CADM2: variants seen among roughly 807,000 people sequenced by gnomAD.
The protein encoded by CADM2 is immunoglobulin superfamily member 4D.
In CADM2, 12 loss-of-function variants were observed where a neutral mutation model predicts 49.8. The observed-to-expected ratio is 0.24, with a 90% CI of 0.15 to 0.39. The LOEUF is 0.39. Ranked by LOEUF, CADM2 falls within the 10% of genes least tolerant of loss-of-function variation. The pLI, the probability that CADM2 is intolerant of heterozygous loss-of-function variation, is 1.00. For synonymous variants in CADM2, 214 were observed against 175.4 expected, an observed-to-expected ratio of 1.22 and a Z score of -1.74; for missense variants, 378 against 492.3, an observed-to-expected ratio of 0.77 and a Z score of 2.20.
rs191828313 is a variant in CADM2, at chr3:84,976,762, C to T, written c.61+17094C>T. Among the ~76,000 whole-genome samples, 8 of 151,884 alleles carry T rather than the reference C, an allele frequency of 5.3e-5. No homozygotes were observed. In the East Asian group the frequency reaches 1.5e-3, roughly 29 times the overall value. On this transcript the variant is annotated intron_variant, in intron 1 of 9. Transcript: ENST00000383699. ...ATAATTATCTTTGATGAAAATTAAT[C>T]CTAGGCAATGTAGCATAGCCACTGA...
At chr3:85,658,574 G>GTATATA (rs1553656698) in intron 1 of CADM2, among the ~76,000 whole-genome samples, 12 of 55,496 alleles carry the variant, frequency 2.2e-4, no homozygotes, top group Admixed American at 9.4e-4. Flanking sequence ...TTGGATATAT[G>GTATATA]TGTATATATA....
intron 2 of CADM2, among the ~76,000 whole-genome samples, chr3:85,786,135 A>C (rs1463003765): frequency 1.3e-5 from 2 of 152,098 alleles, no homozygotes; most frequent in Non-Finnish European, 2.9e-5. Flanking sequence ...CAGAATCTGC[A>C]TTCATAAATT....
At chr3:85,194,929 A>G (rs926754312) in intron 1 of CADM2, among the ~76,000 whole-genome samples, 1 of 152,040 alleles carries the variant, frequency 6.6e-6, no homozygotes, top group Non-Finnish European at 1.5e-5. Flanking sequence ...AAAAAAAATG[A>G]ACTCCTGGGC....
chr3:85,624,608 G>T (rs1048813462), intron 1 of CADM2, among the ~76,000 whole-genome samples: 4 of 152,082 alleles, frequency 2.6e-5, no homozygotes, highest in African/African-American at 9.7e-5. Context: ...TGGAATCACA[G>T]AAACTCATTT....
intron 1 of CADM2, among the ~76,000 whole-genome samples, chr3:85,437,936 A>G (rs1203835058): frequency 6.6e-6 from 1 of 152,042 alleles, no homozygotes; most frequent in Non-Finnish European, 1.5e-5. Context: ...AGAAAAGTTT[A>G]CTGAAGAAAA....
At chr3:86,037,099 T>A (rs1735260953) in intron 8 of CADM2, among the ~76,000 whole-genome samples, 1 of 152,218 alleles carries the variant, frequency 6.6e-6, no homozygotes, top group Admixed American at 6.5e-5. Flanking sequence ...TTCAATACAC[T>A]GATTTTAAGT....
At chr3:85,833,230 G>A (rs1244470164) in intron 3 of CADM2, among the ~76,000 whole-genome samples, 1 of 151,808 alleles carries the variant, frequency 6.6e-6, no homozygotes, top group South Asian at 2.1e-4. Flanking sequence ...GTATTTTGGT[G>A]AGGATTTTTT....
intron 1 of CADM2, among the ~76,000 whole-genome samples, chr3:84,984,422 C>T (rs372388893): frequency 2.0e-5 from 3 of 147,736 alleles, no homozygotes; most frequent in African/African-American, 7.5e-5. Context: ...ATCTCCCTTA[C>T]CTCCCATGTT....
intron 8 of CADM2, among the ~76,000 whole-genome samples, chr3:86,064,343 T>C (rs1358138905): frequency 6.6e-6 from 1 of 152,138 alleles, no homozygotes; most frequent in African/African-American, 2.4e-5. Context: ...CTGAGAATGA[T>C]GGTTTCCAGC....
At position 85,855,380 on chromosome 3, in the gene CADM2, C is replaced by T. The variant is rs141119842; in HGVS notation, c.239-27911C>T. On this transcript the variant is annotated intron_variant, in intron 3 of 9. Coordinates refer to ENST00000383699, the MANE Select transcript of CADM2 (RefSeq NM_001167675.2). ...TATGCATGTCATTACACACTCATGA[C>T]GCTGCTCTTCCCTTGTTAATTAAAC... is the stretch of plus-strand genomic sequence containing the variant. Among the ~76,000 whole-genome samples the T allele has an allele frequency of 4.3e-3, 657 of 151,992 alleles. 5 individuals are homozygous for T. Among genetic ancestry groups the T allele is most frequent in the African/African-American group, 0.015 (605 of 41,482 alleles).
At position 86,036,005 on chromosome 3, in the gene CADM2, A is replaced by T. The variant is rs116273077; in HGVS notation, c.971-29600A>T. ...TGTCTCTTCTGTTTCTAAAAGCATA[A>T]ATTCCATCATGGATGATCGACCTTC... On this transcript the variant is annotated intron_variant, in intron 8 of 9. Coordinates refer to ENST00000383699, the MANE Select transcript of CADM2 (RefSeq NM_001167675.2). Among the ~76,000 whole-genome samples, 578 of 152,096 alleles carry T rather than the reference A, an allele frequency of 3.8e-3. 2 individuals are homozygous for T. Among genetic ancestry groups the T allele is most frequent in the African/African-American group, 0.013 (555 of 41,502 alleles).
intron 5 of CADM2, among the ~76,000 whole-genome samples, chr3:85,893,917 A>C (rs1714836179): frequency 6.6e-6 from 1 of 152,218 alleles, no homozygotes; most frequent in Middle Eastern, 3.2e-3. Flanking sequence ...AACGAATTCA[A>C]CCGTTGTGGA....
intron 1 of CADM2, among the ~76,000 whole-genome samples, chr3:85,092,479 G>A (rs1373408579): frequency 6.6e-6 from 1 of 152,128 alleles, no homozygotes; most frequent in African/African-American, 2.4e-5. Flanking sequence ...CTCATCCTCA[G>A]CATTTAGCAC....
intron 3 of CADM2, among the ~76,000 whole-genome samples, chr3:85,824,098 A>C (rs1326500459): frequency 6.6e-6 from 1 of 152,176 alleles, no homozygotes; most frequent in East Asian, 1.9e-4. Context: ...CCCAATCAAA[A>C]CGTACTGGAG....
intron 1 of CADM2, among the ~76,000 whole-genome samples, chr3:85,128,604 A>AT (rs1182428810): frequency 6.6e-6 from 1 of 152,174 alleles, no homozygotes; most frequent in African/African-American, 2.4e-5. Context: ...GGTGGAAGGC[A>AT]TTGTCAAGAT....
chr3:85,111,977 G>A (rs531989088), intron 1 of CADM2, among the ~76,000 whole-genome samples: 13 of 151,882 alleles, frequency 8.6e-5, no homozygotes, highest in Non-Finnish European at 2.9e-5. Flanking sequence ...TTCCATTAGA[G>A]CACCTATCTA....
intron 1 of CADM2, among the ~76,000 whole-genome samples, chr3:85,409,863 G>GA (rs1222935369): frequency 6.6e-6 from 1 of 152,016 alleles, no homozygotes; most frequent in Non-Finnish European, 1.5e-5. Flanking sequence ...TATATTTCAG[G>GA]AAAAAAACTC....
chr3:85,313,983 T>C (rs2044404952), intron 1 of CADM2, among the ~76,000 whole-genome samples: 1 of 152,110 alleles, frequency 6.6e-6, no homozygotes, highest in South Asian at 2.1e-4. Context: ...CTCCAGCTCC[T>C]GGGTTCAAGT....
chr3:85,417,135 G>T (rs2035954131), intron 1 of CADM2, among the ~76,000 whole-genome samples: 1 of 152,000 alleles, frequency 6.6e-6, no homozygotes, highest in Admixed American at 6.5e-5. Context: ...TTAAAAAAAG[G>T]TAAAGCTTTG....
Sources: allele counts gnomAD v4.1 joint callset (sites outside exome capture counted in the v4.1 genomes callset), GRCh38; gene constraint gnomAD v4.1.1; transcripts MANE v1.5; gene names NCBI Gene and HGNC (gene_info 2026-07-23, HGNC 2026-07-21).